The following THSD4 variants were observed in gnomAD, a reference collection of about 807,000 sequenced individuals.
The protein encoded by THSD4 is thrombospondin type-1 domain-containing protein 4.
A neutral mutation model predicts 119.0 loss-of-function variants in THSD4; 69 were observed. The ratio of observed to expected loss-of-function variants is 0.58; its 90% confidence interval spans 0.48 to 0.71. THSD4 has a LOEUF of 0.71. Ranked by LOEUF, THSD4 falls within the 30% of genes least tolerant of loss-of-function variation. THSD4 has a pLI of 0.00. For synonymous variants in THSD4, 524 were observed against 540.4 expected (o/e 0.97, Z 0.42); for missense variants, 1,393 against 1,391.1 (o/e 1.00, Z -0.02).
At chr15:71,549,996 A>T (rs2048902184) in intron 7 of THSD4, among the ~76,000 whole-genome samples, 1 of 152,224 alleles carries the variant, frequency 6.6e-6, no homozygotes, top group Non-Finnish European at 1.5e-5. Context: ...CATGGGTTGG[A>T]GGACAGACAC....
At chr15:71,196,132 G>A (rs28439366) in intron 3 of THSD4, among the ~76,000 whole-genome samples, 10,770 of 152,244 alleles carry the variant, frequency 0.071, 490 homozygotes, top group African/African-American at 0.13. Flanking sequence ...TCCTCACAGG[G>A]CAGAAGAGCA....
chr15:71,105,336 T>G (rs557260266), intron 1 of THSD4, among the ~76,000 whole-genome samples: 1 of 152,310 alleles, frequency 6.6e-6, no homozygotes, highest in East Asian at 1.9e-4. Flanking sequence ...AAGACTTAGG[T>G]GAGGTCTAGA....
At chr15:71,145,564 T>C (rs2040649763) in intron 2 of THSD4, among the ~76,000 whole-genome samples, 1 of 151,972 alleles carries the variant, frequency 6.6e-6, no homozygotes, top group Non-Finnish European at 1.5e-5. Context: ...ACCAAAAGGG[T>C]TGAGGAAATG....
intron 6 of THSD4, among the ~76,000 whole-genome samples, chr15:71,286,241 A>T (rs2044716755): frequency 6.6e-6 from 1 of 152,184 alleles, no homozygotes; most frequent in Non-Finnish European, 1.5e-5. Context: ...TTTGTTGTAC[A>T]GATTACTTCA....
At chr15:71,508,411 A>G (rs190322547) in intron 7 of THSD4, among the ~76,000 whole-genome samples, 115 of 152,348 alleles carry the variant, frequency 7.5e-4, no homozygotes, top group African/African-American at 2.2e-3. Flanking sequence ...CCCCAGGTTC[A>G]GATGGTCATG....
intron 7 of THSD4, among the ~76,000 whole-genome samples, chr15:71,497,556 T>C (rs1410326296): frequency 1.3e-5 from 2 of 151,828 alleles, no homozygotes; most frequent in African/African-American, 2.4e-5. Context: ...ATAATATATA[T>C]ACACATACAT....
intron 7 of THSD4, among the ~76,000 whole-genome samples, chr15:71,568,490 A>G (rs1011429405): frequency 5.3e-5 from 8 of 152,106 alleles, no homozygotes; most frequent in Non-Finnish European, 1.2e-4. Context: ...AAAACAAGTA[A>G]AACAGAAAAA....
intron 4 of THSD4, among the ~76,000 whole-genome samples, chr15:71,242,022 T>C (rs1276197654): frequency 6.6e-6 from 1 of 152,230 alleles, no homozygotes; most frequent in Non-Finnish European, 1.5e-5. Flanking sequence ...TTGCCTGGGC[T>C]ACTTCAAGAG....
intron 1 of THSD4, among the ~76,000 whole-genome samples, chr15:71,138,655 C>G (rs145537487): frequency 4.6e-4 from 70 of 152,236 alleles, no homozygotes; most frequent in Admixed American, 1.2e-3. Context: ...CTTCCCTCCC[C>G]CCTCCACAAG....
At chr15:71,257,451 C>G (rs2044332483) in intron 6 of THSD4, among the ~76,000 whole-genome samples, 1 of 152,082 alleles carries the variant, frequency 6.6e-6, no homozygotes, top group Non-Finnish European at 1.5e-5. Flanking sequence ...AGAGGGAGTC[C>G]AGCTGCCTTC....
chr15:71,671,720 GCAC>G (rs2051533246), intron 8 of THSD4, among the ~76,000 whole-genome samples: 2 of 152,134 alleles, frequency 1.3e-5, no homozygotes, highest in South Asian at 4.1e-4. Context: ...AGTTTTCCCA[GCAC>G]CATTTATTAA....
At chr15:71,601,510 C>A (rs528799277) in intron 7 of THSD4, among the ~76,000 whole-genome samples, 92 of 152,328 alleles carry the variant, frequency 6.0e-4, no homozygotes, top group African/African-American at 2.1e-3. Flanking sequence ...GACTCTGCTC[C>A]TGTTGGCCGC....
chr15:71,408,406 A>AT (rs1347275403), intron 6 of THSD4, among the ~76,000 whole-genome samples: 1 of 151,766 alleles, frequency 6.6e-6, no homozygotes, highest in South Asian at 2.1e-4. Flanking sequence ...CTAATTTTTA[A>AT]TTTTTTTGTA....
chr15:71,710,904 TC>T (rs751678394), intron 8 of THSD4, among the ~76,000 whole-genome samples: 2 of 152,226 alleles, frequency 1.3e-5, no homozygotes, highest in East Asian at 1.9e-4. Flanking sequence ...GTTCAACTCT[TC>T]ACCAGCTGTG....
intron 6 of THSD4, among the ~76,000 whole-genome samples, chr15:71,357,572 G>A (rs1042830972): frequency 2.0e-5 from 3 of 152,186 alleles, no homozygotes; most frequent in Non-Finnish European, 2.9e-5. Context: ...AGAGCCCCAC[G>A]CCCTTGCTCC....
intron 7 of THSD4, among the ~76,000 whole-genome samples, chr15:71,468,072 C>T (rs1036252019): frequency 4.6e-5 from 7 of 152,144 alleles, no homozygotes; most frequent in Non-Finnish European, 1.0e-4. Flanking sequence ...TGGTCTCGAA[C>T]TGCTGACCTC....
intron 10 of THSD4, 78 bp downstream of exon 10, chr15:71,731,295 C>A: frequency 7.3e-7 from 1 of 1,371,688 alleles, no homozygotes; most frequent in Non-Finnish European, 1.0e-6. Flanking sequence ...CTTGTGCATC[C>A]ACCCTCTGTC....
intron 8 of THSD4, among the ~76,000 whole-genome samples, chr15:71,702,920 C>CA (rs1207273064): frequency 1.3e-5 from 2 of 151,654 alleles, no homozygotes; most frequent in Non-Finnish European, 1.5e-5. Flanking sequence ...AGTGGGTGCT[C>CA]AAAAAAGAGT....
chr15:71,381,712 C>T (rs148990985), intron 6 of THSD4, among the ~76,000 whole-genome samples: 39 of 152,270 alleles, frequency 2.6e-4, no homozygotes, highest in African/African-American at 7.5e-4. Flanking sequence ...TTGGTTATTT[C>T]TGTAGCATAG....
Sources: allele counts gnomAD v4.1 joint callset (sites outside exome capture counted in the v4.1 genomes callset), GRCh38; gene constraint gnomAD v4.1.1; transcripts MANE v1.5; gene names NCBI Gene and HGNC (gene_info 2026-07-23, HGNC 2026-07-21).